Variants in KIFBP observed in about 807,000 individuals in gnomAD.
The protein encoded by KIFBP is kinesin family binding protein.
A neutral mutation model predicts 58.9 loss-of-function variants in KIFBP; 46 were observed. That is an observed-to-expected ratio of 0.78 (90% CI 0.62 to 1.00). KIFBP has a LOEUF of 1.00. Ranked by LOEUF, KIFBP falls within the 50% of genes least tolerant of loss-of-function variation. The pLI is 0.00. For missense variants in KIFBP, 651 were observed against 752.9 expected, an observed-to-expected ratio of 0.86 and a Z score of 1.58; for synonymous variants, 241 against 283.4, an observed-to-expected ratio of 0.85 and a Z score of 1.50.
intron 6 of KIFBP, 198 bp from the exon 7 acceptor site, chr10:69,015,343 T>TC: frequency 3.6e-6 from 2 of 557,588 alleles, no homozygotes; most frequent in South Asian, 4.9e-5. Flanking sequence ...TACTTTTTTT[T>TC]CCACATTTCT....
chr10:69,008,023 T>G (rs1217879512), intron 4 of KIFBP, among the ~76,000 whole-genome samples: 1 of 152,162 alleles, frequency 6.6e-6, no homozygotes, highest in East Asian at 1.9e-4. Context: ...AGCCTTATTG[T>G]ATGTAAAGTT....
intron 1 of KIFBP, among the ~76,000 whole-genome samples, chr10:68,997,758 C>T (rs1471709649): frequency 6.6e-6 from 1 of 152,118 alleles, no homozygotes; most frequent in Admixed American, 6.5e-5. Context: ...ATAGACAGTG[C>T]TTGGGAAACT....
At chr10:68,990,764 A>G (rs372882357) in intron 1 of KIFBP, among the ~76,000 whole-genome samples, 1 of 152,224 alleles carries the variant, frequency 6.6e-6, no homozygotes, top group African/African-American at 2.4e-5. Context: ...GTGAGCCAAG[A>G]TTGTATCACT....
intron 1 of KIFBP, among the ~76,000 whole-genome samples, chr10:68,998,014 C>T (rs1195836834): frequency 1.3e-5 from 2 of 152,094 alleles, no homozygotes; most frequent in East Asian, 1.9e-4. Context: ...ACCTCCTGTA[C>T]AGCCTGTGGA....
At chr10:69,002,982 A>AAG (rs1395993692) in intron 2 of KIFBP, among the ~76,000 whole-genome samples, 1 of 151,312 alleles carries the variant, frequency 6.6e-6, no homozygotes, top group Non-Finnish European at 1.5e-5. Flanking sequence ...CCGAGGTGGG[A>AAG]AGATTGCTTG....
In KIFBP at chr10:69,000,319, A is replaced by T. The variant is rs899585442; in HGVS notation, c.427-105A>T. 2.0e-5 allele frequency: 15 copies of T among 763,838 alleles called. No homozygotes were observed. In the East Asian group the frequency reaches 3.5e-4, roughly 18 times the overall value. 47.3% of individuals were successfully genotyped at this position (763,838 alleles called of 1,614,324 possible). On this transcript the variant is annotated intron_variant, in intron 1 of 6. Transcript: ENST00000361983. ...GAATAATTAATTCATTGGTAATCCA[A>T]CTCTACTATTTGGTTGGTTATAAGT...
intron 1 of KIFBP, 103 bp downstream of exon 1, chr10:68,989,361 C>T: frequency 1.5e-6 from 2 of 1,309,486 alleles, no homozygotes; most frequent in South Asian, 1.2e-5. Flanking sequence ...CGCAATTCGT[C>T]CCCACGTTTT....
At chr10:68,996,768 G>A (rs761213009) in intron 1 of KIFBP, among the ~76,000 whole-genome samples, 5 of 151,852 alleles carry the variant, frequency 3.3e-5, no homozygotes, top group Non-Finnish European at 7.4e-5. Flanking sequence ...CAGGAGAATC[G>A]CTTGAACCCA....
intron 1 of KIFBP, chr10:68,991,385 T>C: frequency 3.0e-6 from 1 of 332,746 alleles, no homozygotes; most frequent in South Asian, 2.9e-5. Flanking sequence ...TATACACAAG[T>C]TTCTGGATAT....
In KIFBP at chr10:69,008,394, AT is replaced by A. The variant is rs1564637620; in HGVS notation, c.790-446del. ...CTGTCTCGTAAAAAAAAAAAAAAAT[AT>A]ATATATATATATATATATATATATT... On this transcript the variant is annotated intron_variant, in intron 4 of 6. Transcript: ENST00000361983. Among the ~76,000 whole-genome samples the A allele has an allele frequency of 7.9e-3, 663 of 84,392 alleles. 12 individuals carry two copies. The highest frequency in any genetic ancestry group is 0.035 in the African/African-American group (628 of 18,078). The allele number at this position is 84,392 out of a possible 152,430, so 55.4% of individuals were successfully genotyped here. A position where few individuals can be genotyped will look rare whatever the true frequency, so the allele number is the denominator to read the frequency against.
rs1843312512 is a variant in KIFBP at position 68,989,148 on chromosome 10, A to G, written c.316A>G (p.Ile106Val). The G allele has an allele frequency of 1.2e-6, 2 of 1,613,212 alleles. No homozygotes were observed. Among genetic ancestry groups the G allele is most frequent in the Non-Finnish European group, 1.7e-6 (2 of 1,179,478 alleles). Residue 106 changes from isoleucine (I) to valine (V), a missense_variant, in exon 1 of 7, where the codon ATC becomes GTC. Physicochemically the swap from Ile to Val is conservative, Grantham distance 29. Transcript: ENST00000361983. ...CGAGTTCCACCTCGGGGTGAACCACATCGACACGGAGGAGCTGTCGGCGGG... is the reference window on the plus strand; with the variant it reads ...CGAGTTCCACCTCGGGGTGAACCACGTCGACACGGAGGAGCTGTCGGCGGG... Reference protein sequence around the residue: ...VIEFHLGVNHIDTEELSAGEE... With the variant: ...VIEFHLGVNHVDTEELSAGEE...
intron 4 of KIFBP, chr10:69,006,930 G>C (rs1215039393): frequency 6.6e-6 from 1 of 152,198 alleles, no homozygotes; most frequent in Non-Finnish European, 1.5e-5. Flanking sequence ...GATCAAGTGT[G>C]TAAGTAACGC....
chr10:69,014,652 T>C (rs1226715803), intron 6 of KIFBP, among the ~76,000 whole-genome samples: 1 of 148,588 alleles, frequency 6.7e-6, no homozygotes, highest in East Asian at 1.9e-4. Flanking sequence ...TTATTTATTT[T>C]TATTGGCCAA....
In KIFBP at chr10:69,015,168, C is replaced by T. The variant is rs112221035; in HGVS notation, c.991-373C>T. 9.9e-3 allele frequency among the ~76,000 whole-genome samples: 1,507 copies of T among 152,212 alleles called. 26 individuals carry two copies. Among genetic ancestry groups the T allele is most frequent in the African/African-American group, 0.034 (1,419 of 41,524 alleles). On this transcript the variant is annotated intron_variant, in intron 6 of 6. Transcript: ENST00000361983. Reference sequence around the variant, plus strand: ...TCAACTCCTGACCTCGTGATCTGTCCGCCTTGGCCTCCCAAAGTGCTGGGA... The same window carrying T: ...TCAACTCCTGACCTCGTGATCTGTCTGCCTTGGCCTCCCAAAGTGCTGGGA...
intron 2 of KIFBP, 97 bp downstream of exon 2, chr10:69,000,619 C>A: frequency 2.4e-6 from 2 of 848,732 alleles, no homozygotes; most frequent in Admixed American, 3.5e-5. Flanking sequence ...TGACTCTTCA[C>A]TGTGCCCTAG....
At chr10:68,998,698 T>C (rs927058343) in intron 1 of KIFBP, among the ~76,000 whole-genome samples, 14 of 148,708 alleles carry the variant, frequency 9.4e-5, no homozygotes, top group African/African-American at 3.5e-4. Context: ...GACTGACTAT[T>C]CCAAGGGAAG....
rs577648801 is a variant in KIFBP, at chr10:69,011,243, G to A, written c.990+228G>A. ...GATTGGACCACTGCACTCCAGCCTG[G>A]GCAACAGAGCGAGACTCCATCTCTA... On this transcript the variant is annotated intron_variant, in intron 6 of 6. Transcript: ENST00000361983. The A allele has an allele frequency of 6.7e-5, 33 of 490,386 alleles. 1 individual carries two copies. The highest frequency in any genetic ancestry group is 1.1e-4 in the Non-Finnish European group (31 of 271,644). 30.4% of individuals were successfully genotyped at this position (490,386 alleles called of 1,614,324 possible).
Position 69,016,081 on chromosome 10 carries a change from A to G in KIFBP, c.1531A>G (p.Lys511Glu). The G allele has an allele frequency of 6.2e-7, 1 of 1,614,086 alleles. No homozygotes were observed. The highest frequency in any genetic ancestry group is 8.5e-7 in the Non-Finnish European group (1 of 1,179,946). The change falls in exon 7 of 7, where the codon AAG (lysine) becomes GAG (glutamate). Residue 511 changes from lysine (K) to glutamate (E), a missense_variant. By Grantham distance (56) the Lys-to-Glu change is moderately conservative. Transcript: ENST00000361983. ...HIVKKINNLN[K>E]SALKYYQLFL... is the part of the protein sequence containing the mutation. Reference sequence around the variant, plus strand: ...TGTAAAAAAAATAAATAATCTTAATAAGTCAGCACTGAAGTACTACCAGCT... The same window carrying G: ...TGTAAAAAAAATAAATAATCTTAATGAGTCAGCACTGAAGTACTACCAGCT...
chr10:69,014,978 T>A (rs953725675), intron 6 of KIFBP, among the ~76,000 whole-genome samples: 19 of 152,220 alleles, frequency 1.2e-4, no homozygotes, highest in Non-Finnish European at 2.2e-4. Flanking sequence ...GCTGGAGTGC[T>A]GTGGCGCAAT....
Sources: gnomAD v4.1 joint callset for allele counts (sites outside exome capture counted in the v4.1 genomes callset) on GRCh38, gnomAD v4.1.1 for gene constraint, MANE v1.5 for transcripts, NCBI Gene and HGNC (gene_info 2026-07-23, HGNC 2026-07-21) for gene names.